The following CALCRL variants were observed in gnomAD, a reference collection of about 807,000 sequenced individuals.
CALCRL encodes the protein calcitonin receptor like receptor.
CALCRL carries 27 observed loss-of-function variants against 60.4 expected under a neutral mutation model. The observed-to-expected ratio is 0.45, with a 90% CI of 0.33 to 0.62. The LOEUF is 0.62. Among genes scored for constraint, CALCRL ranks in the 20% least tolerant of loss-of-function variants. The pLI is 0.03. For missense variants in CALCRL, 424 were observed against 540.7 expected (o/e 0.78, Z 2.14); for synonymous variants, 190 against 182.6 (o/e 1.04, Z -0.33).
At chr2:187,363,805 T>C (rs1687161816) in intron 8 of CALCRL, among the ~76,000 whole-genome samples, 1 of 152,192 alleles carries the variant, frequency 6.6e-6, no homozygotes, top group Non-Finnish European at 1.5e-5. Context: ...GTTTAATTCA[T>C]TTTGCAAACA....
chr2:187,359,338 G>T, intron 10 of CALCRL, 66 bp from the exon 11 acceptor site: 1 of 1,129,962 alleles, frequency 8.8e-7, no homozygotes. Context: ...TCAAAAATAT[G>T]TAATTAAATA....
intron 1 of CALCRL, among the ~76,000 whole-genome samples, chr2:187,392,148 G>A (rs1313124940): frequency 6.6e-6 from 1 of 151,950 alleles, no homozygotes; most frequent in Non-Finnish European, 1.5e-5. Context: ...ATTAATTTAT[G>A]TTTCTTTATA....
chr2:187,379,391 G>A (rs1054318360), intron 7 of CALCRL, among the ~76,000 whole-genome samples: 5 of 151,908 alleles, frequency 3.3e-5, no homozygotes, highest in African/African-American at 7.2e-5. Context: ...CAAATGCTAC[G>A]TGATGATTTG....
chr2:187,376,969 C>A (rs910999487), intron 8 of CALCRL, among the ~76,000 whole-genome samples: 1 of 151,984 alleles, frequency 6.6e-6, no homozygotes, highest in Non-Finnish European at 1.5e-5. Context: ...TGTCTACTAT[C>A]GTTAATTGCA....
chr2:187,345,871 A>G lies in CALCRL; in HGVS notation c.*313T>C, dbSNP rs1293378476. 4.6e-6 allele frequency: 1 copy of G among 217,702 alleles called. No homozygotes were observed. Among genetic ancestry groups the G allele is most frequent in the East Asian group, 1.1e-4 (1 of 8,824 alleles). The allele number at this position is 217,702 out of a possible 1,614,324, so 13.5% of individuals were successfully genotyped here. On this transcript the variant is annotated 3_prime_UTR_variant, in exon 15 of 15. Transcript: ENST00000392370. ...GTGAATTCATGCAATGGTGTGCTGG[A>G]ACTGGCTTACACCAGCTCAGAAAAG...
intron 1 of CALCRL, among the ~76,000 whole-genome samples, chr2:187,390,070 G>C (rs1688369635): frequency 6.6e-6 from 1 of 152,124 alleles, no homozygotes; most frequent in Admixed American, 6.6e-5. Context: ...GTTTTAGACA[G>C]TGTTTGAATA....
chr2:187,411,300 A>G (rs2105848095), intron 1 of CALCRL, among the ~76,000 whole-genome samples: 1 of 152,294 alleles, frequency 6.6e-6, no homozygotes, highest in African/African-American at 2.4e-5. Context: ...TACTGTAAAT[A>G]CTACTAAATT....
chr2:187,363,442 G>A lies in CALCRL; in HGVS notation c.561C>T (p.Asn187=). Residue 187 remains asparagine, a synonymous_variant, in exon 9 of 15, where the codon AAC becomes AAT. Transcript: ENST00000392370. ...HKNLFFSFVC[N]SVVTIIHLTA... is the part of the protein sequence containing the mutation. ...TGAGGTGAATGATTGTTACAACAGA[G>A]TTACAAACAAATGAGAAGAACAGAT... 6.2e-7 allele frequency: 1 copy of A among 1,611,158 alleles called. No homozygotes were observed.
At chr2:187,364,866 T>C (rs1260623763) in intron 8 of CALCRL, among the ~76,000 whole-genome samples, 3 of 152,264 alleles carry the variant, frequency 2.0e-5, no homozygotes, top group Non-Finnish European at 4.4e-5. Flanking sequence ...TTGCTGAGTG[T>C]GTGTAAGACA....
At chr2:187,367,879 C>A (rs1687364255) in intron 8 of CALCRL, among the ~76,000 whole-genome samples, 1 of 151,970 alleles carries the variant, frequency 6.6e-6, no homozygotes, top group Non-Finnish European at 1.5e-5. Context: ...AATGCCATTT[C>A]AACATGCAAT....
At position 187,346,034 on chromosome 2, in the gene CALCRL, T is replaced by C; in HGVS notation, c.*150A>G. Reference sequence around the variant, plus strand: ...CCACATAGAGCTGGATGTTACACTCTTATCAACACACTACTAATTTCATGT... The same window carrying C: ...CCACATAGAGCTGGATGTTACACTCCTATCAACACACTACTAATTTCATGT... On this transcript the variant is annotated 3_prime_UTR_variant, in exon 15 of 15. Transcript: ENST00000392370. 1 of 578,444 alleles carries C rather than the reference T, an allele frequency of 1.7e-6. No individual in the cohort carries two copies. The highest frequency in any genetic ancestry group is 2.9e-5 in the East Asian group (1 of 34,992). The allele number at this position is 578,444 out of a possible 1,614,324, so 35.8% of individuals were successfully genotyped here.
At chr2:187,434,863 A>T (rs186852606) in intron 1 of CALCRL, among the ~76,000 whole-genome samples, 78 of 152,348 alleles carry the variant, frequency 5.1e-4, no homozygotes, top group African/African-American at 1.8e-3. Flanking sequence ...AATGTATTCA[A>T]GATAACTCCA....
intron 1 of CALCRL, among the ~76,000 whole-genome samples, chr2:187,422,394 G>A (rs1353263587): frequency 3.3e-5 from 5 of 151,996 alleles, no homozygotes; most frequent in African/African-American, 1.2e-4. Flanking sequence ...TATTTTTTCT[G>A]AATTCATTTC....
chr2:187,439,371 T>C (rs557234517), intron 1 of CALCRL, among the ~76,000 whole-genome samples: 67 of 152,100 alleles, frequency 4.4e-4, no homozygotes, highest in Non-Finnish European at 8.8e-4. Context: ...GGAGAATTGC[T>C]CACACCCAGG....
At chr2:187,357,892 A>G (rs1686869143) in intron 12 of CALCRL, among the ~76,000 whole-genome samples, 1 of 152,098 alleles carries the variant, frequency 6.6e-6, no homozygotes, top group Non-Finnish European at 1.5e-5. Flanking sequence ...ATATGTATGT[A>G]ACAAACCTGC....
chr2:187,358,154 C>G (rs897520752), intron 12 of CALCRL, among the ~76,000 whole-genome samples: 1 of 151,942 alleles, frequency 6.6e-6, no homozygotes, highest in Non-Finnish European at 1.5e-5. Context: ...AGTTCAAGAC[C>G]AGCCTGGGCA....
intron 1 of CALCRL, among the ~76,000 whole-genome samples, chr2:187,388,360 A>G (rs1053825331): frequency 1.9e-4 from 29 of 152,264 alleles, no homozygotes; most frequent in African/African-American, 6.3e-4. Flanking sequence ...TAACAGATAC[A>G]GTAACTCCTA....
At chr2:187,358,346 A>C (rs1267588838) in intron 12 of CALCRL, among the ~76,000 whole-genome samples, 1 of 152,084 alleles carries the variant, frequency 6.6e-6, no homozygotes, top group African/African-American at 2.4e-5. Context: ...ACAGAGCAAG[A>C]CCTTTTTTCA....
intron 3 of CALCRL, among the ~76,000 whole-genome samples, chr2:187,386,075 G>A (rs1355226558): frequency 3.9e-5 from 6 of 152,024 alleles, no homozygotes; most frequent in Non-Finnish European, 8.8e-5. Context: ...ATGTTAAGGA[G>A]CTTATAAATA....
Sources: gnomAD v4.1 joint callset for allele counts (sites outside exome capture counted in the v4.1 genomes callset) on GRCh38, gnomAD v4.1.1 for gene constraint, MANE v1.5 for transcripts, NCBI Gene and HGNC (gene_info 2026-07-23, HGNC 2026-07-21) for gene names.